Variants in CDYL2 observed in about 807,000 individuals in gnomAD.
The protein encoded by CDYL2 is chromodomain Y-like protein 2.
CDYL2 carries 23 observed loss-of-function variants against 49.4 expected under a neutral mutation model. That is an observed-to-expected ratio of 0.47 (90% CI 0.34 to 0.66). The LOEUF (loss-of-function observed/expected upper bound fraction) is 0.66. Among genes scored for constraint, CDYL2 ranks in the 30% least tolerant of loss-of-function variants. The pLI is 0.01. For missense variants in CDYL2, 678 were observed against 656.4 expected (o/e 1.03, Z -0.36); for synonymous variants, 360 against 268.8 (o/e 1.34, Z -3.32).
At chr16:80,672,961 C>T (rs1229691284) in intron 2 of CDYL2, among the ~76,000 whole-genome samples, 2 of 152,160 alleles carry the variant, frequency 1.3e-5, no homozygotes, top group Admixed American at 6.5e-5. Context: ...TATAGAAATG[C>T]ATCCTAGGAT....
chr16:80,677,130 C>G (rs948805128), intron 2 of CDYL2, among the ~76,000 whole-genome samples: 13 of 152,048 alleles, frequency 8.5e-5, no homozygotes, highest in African/African-American at 2.4e-4. Context: ...GCCACCACAC[C>G]TGGCTAATTT....
rs528498874 is a variant in CDYL2, at chr16:80,804,393, AGCGGCG to A, written c.-226_-221del. The A allele has an allele frequency of 5.0e-5, 9 of 178,612 alleles. No homozygotes were observed. Among genetic ancestry groups the A allele is most frequent in the South Asian group, 1.7e-4 (1 of 6,044 alleles). The allele number at this position is 178,612 out of a possible 1,614,324, so 11.1% of individuals were successfully genotyped here. On this transcript the variant is annotated 5_prime_UTR_variant, in exon 1 of 7. Coordinates refer to ENST00000570137, the MANE Select transcript of CDYL2 (RefSeq NM_152342.4). ...CGGCGGGGCTGGCGTAACCGGCAGC[AGCGGCG>A]GCGGCGGCGGCGGCGGCACGAGCGC... is the stretch of plus-strand genomic sequence containing the variant.
At chr16:80,691,562 G>A (rs73593024) in intron 1 of CDYL2, among the ~76,000 whole-genome samples, 133 of 152,278 alleles carry the variant, frequency 8.7e-4, no homozygotes, top group African/African-American at 3.0e-3. Context: ...CATTCTGCTG[G>A]AAAACACTAT....
intron 2 of CDYL2, among the ~76,000 whole-genome samples, chr16:80,677,632 G>A (rs1322730263): frequency 2.0e-5 from 3 of 151,984 alleles, no homozygotes; most frequent in Admixed American, 6.6e-5. Flanking sequence ...CCAGCTACTC[G>A]GGAGGCTGAG....
At chr16:80,694,490 T>TA (rs34414169) in intron 1 of CDYL2, among the ~76,000 whole-genome samples, 2 of 151,516 alleles carry the variant, frequency 1.3e-5, no homozygotes, top group Non-Finnish European at 2.9e-5. Flanking sequence ...CTCACTGGCT[T>TA]AAAAAAAAAG....
At chr16:80,765,876 CA>C (rs554710623) in intron 1 of CDYL2, among the ~76,000 whole-genome samples, 401 of 47,150 alleles carry the variant, frequency 8.5e-3, no homozygotes, top group Middle Eastern at 0.026. Flanking sequence ...CCCTCATCTA[CA>C]AAAAAAAAAA....
At chr16:80,732,385 G>C (rs1255195552) in intron 1 of CDYL2, among the ~76,000 whole-genome samples, 1 of 152,070 alleles carries the variant, frequency 6.6e-6, no homozygotes, top group East Asian at 1.9e-4. Context: ...GGCCCTTTTA[G>C]TCATCGTGTT....
At chr16:80,735,160 A>T (rs7205612) in intron 1 of CDYL2, 3 of 152,278 alleles carry the variant, frequency 2.0e-5, no homozygotes, top group African/African-American at 7.2e-5. Context: ...ATGGCAGAAA[A>T]AGAGATTCCA....
rs1165525718 is a variant in CDYL2 at position 80,599,039 on chromosome 16, C to T, written c.*5349G>A. The T allele has an allele frequency of 6.6e-6, 1 of 152,052 alleles. No individual in the cohort carries two copies. Among genetic ancestry groups the T allele is most frequent in the Non-Finnish European group, 1.5e-5 (1 of 68,032 alleles). 9.4% of individuals were successfully genotyped at this position (152,052 alleles called of 1,614,324 possible). A position where few individuals can be genotyped will look rare whatever the true frequency, so the allele number is the denominator to read the frequency against. ...GATGGGAAACTCTACACCCTCCAAA[C>T]TTCCAAGAGTCAGCTTCAAGAGCTC... On this transcript the variant is annotated 3_prime_UTR_variant, in exon 7 of 7. Transcript: ENST00000570137.
At chr16:80,760,987 G>A (rs941590255) in intron 1 of CDYL2, among the ~76,000 whole-genome samples, 19 of 152,174 alleles carry the variant, frequency 1.2e-4, no homozygotes, top group African/African-American at 4.3e-4. Context: ...GGCAGTGAAG[G>A]TGATGGCAAC....
intron 2 of CDYL2, among the ~76,000 whole-genome samples, chr16:80,674,927 G>C (rs1177267874): frequency 1.3e-5 from 2 of 152,328 alleles, no homozygotes; most frequent in African/African-American, 4.8e-5. Flanking sequence ...GTGCAGGTGT[G>C]TGTGTATATA....
chr16:80,744,823 G>T (rs966044063), intron 1 of CDYL2, among the ~76,000 whole-genome samples: 1 of 152,150 alleles, frequency 6.6e-6, no homozygotes, highest in Non-Finnish European at 1.5e-5. Flanking sequence ...CTGGCAGCAT[G>T]TCCCCCAGGA....
chr16:80,636,977 C>A (rs113020479), intron 2 of CDYL2, among the ~76,000 whole-genome samples: 1,899 of 152,278 alleles, frequency 0.012, 21 homozygotes, highest in Non-Finnish European at 0.017. Context: ...ACCGCATATT[C>A]TCACTCATAA....
intron 1 of CDYL2, among the ~76,000 whole-genome samples, chr16:80,746,123 TGG>T (rs774807242): frequency 0.013 from 1,967 of 152,314 alleles, 18 homozygotes; most frequent in Middle Eastern, 0.037. Context: ...CCTTCTCCCC[TGG>T]GCTCCAACAG....
intron 1 of CDYL2, among the ~76,000 whole-genome samples, chr16:80,722,462 G>T (rs1395724127): frequency 6.6e-6 from 1 of 152,186 alleles, no homozygotes; most frequent in Admixed American, 6.5e-5. Context: ...ACACTTCCCA[G>T]CTCCTCTGGA....
intron 1 of CDYL2, among the ~76,000 whole-genome samples, chr16:80,708,543 T>G (rs1904482146): frequency 1.3e-5 from 2 of 152,178 alleles, no homozygotes; most frequent in South Asian, 2.1e-4. Context: ...CGAATACATC[T>G]TGGTACAGCC....
At chr16:80,794,912 C>T (rs1221110958) in intron 1 of CDYL2, among the ~76,000 whole-genome samples, 1 of 152,138 alleles carries the variant, frequency 6.6e-6, no homozygotes, top group African/African-American at 2.4e-5. Flanking sequence ...CGCATCCAGC[C>T]TCAGTGATAG....
chr16:80,794,470 G>A (rs1907706563), intron 1 of CDYL2, among the ~76,000 whole-genome samples: 1 of 152,076 alleles, frequency 6.6e-6, no homozygotes, highest in Admixed American at 6.5e-5. Flanking sequence ...ATATTCTGAG[G>A]TATGCTCACC....
Position 80,608,148 on chromosome 16 carries a change from T to C in CDYL2, c.1306A>G (p.Thr436Ala). 9 of 1,605,762 alleles carry C rather than the reference T, an allele frequency of 5.6e-6. No homozygotes were observed. The highest frequency in any genetic ancestry group is 7.7e-6 in the Non-Finnish European group (9 of 1,176,370). Residue 436 changes from threonine to alanine, a missense_variant, in exon 6 of 7, where the codon ACG (threonine) becomes GCG (alanine). Coordinates refer to ENST00000570137, the MANE Select transcript of CDYL2 (RefSeq NM_152342.4). ...GLVSQVFWPT[T>A]FSQEVMLRVK... ...CGCAGCATGACCTCCTGGCTGAACGTGGTGGGCCAGAAGACCTGCGACACC... is the reference window on the plus strand; with the variant it reads ...CGCAGCATGACCTCCTGGCTGAACGCGGTGGGCCAGAAGACCTGCGACACC...
Sources: gnomAD v4.1 joint callset for allele counts (sites outside exome capture counted in the v4.1 genomes callset) on GRCh38, gnomAD v4.1.1 for gene constraint, MANE v1.5 for transcripts, NCBI Gene and HGNC (gene_info 2026-07-23, HGNC 2026-07-21) for gene names.